Variants in PLEKHG2 observed in about 807,000 individuals in gnomAD.
The protein encoded by PLEKHG2 is pleckstrin homology domain-containing family G member 2.
Under a neutral mutation model 104.4 loss-of-function variants are expected in PLEKHG2, and 71 were observed. That is an observed-to-expected ratio of 0.68 (90% CI 0.56 to 0.83). The LOEUF is 0.83. Ranked by LOEUF, PLEKHG2 falls within the 40% of genes least tolerant of loss-of-function variation. The probability of loss-of-function intolerance (pLI) is 0.00; values close to 1 mark genes in which losing one functional copy is unlikely to be tolerated. For synonymous variants in PLEKHG2, 728 were observed against 737.0 expected, an observed-to-expected ratio of 0.99 and a Z score of 0.20; for missense variants, 1,730 against 1,809.4, an observed-to-expected ratio of 0.96 and a Z score of 0.80.
chr19:39,420,888 C>T (rs375842923), intron 13 of PLEKHG2, 36 bp downstream of exon 13: 9 of 1,613,960 alleles, frequency 5.6e-6, no homozygotes, highest in Non-Finnish European at 5.1e-6. Flanking sequence ...CAGCCCTCAG[C>T]CCCACTTCCC....
rs1424253028 is a variant in PLEKHG2 at position 39,415,182 on chromosome 19, C to G, written c.300C>G (p.Pro100=). Residue 100 remains proline (P), a synonymous_variant, in exon 3 of 19, where the codon CCC becomes CCG. Transcript: ENST00000425673. This position sits in a 1 kb window ranked among gnomAD's most constrained non-coding sequence, Gnocchi z 4.6. ...TGGGGATCCCAGGTTCAGCCAGACC[C>G]TCAAGGCTGGAGCGTGTGGCCCGGG... The part of the protein sequence containing the change: ...SPVGIPGSAR[P]SRLERVAREI... The G allele has an allele frequency of 3.1e-6, 5 of 1,593,512 alleles. No individual in the cohort carries two copies. The highest frequency in any genetic ancestry group is 1.7e-4 in the Middle Eastern group (1 of 6,042).
chr19:39,419,820 G>A (rs905047239), intron 11 of PLEKHG2, among the ~76,000 whole-genome samples: 3 of 151,810 alleles, frequency 2.0e-5, no homozygotes, highest in Admixed American at 2.0e-4. Flanking sequence ...AGAGCTTGCA[G>A]TGAGCCTAGG....
intron 11 of PLEKHG2, among the ~76,000 whole-genome samples, chr19:39,420,425 T>G (rs575134472): frequency 6.7e-6 from 1 of 149,872 alleles, no homozygotes; most frequent in African/African-American, 2.5e-5. Flanking sequence ...CTCAGGAGGG[T>G]GAGGTGGGAA....
Position 39,416,834 on chromosome 19 carries a change from T to C in PLEKHG2, c.594-16T>C. On this transcript the variant is annotated splice_polypyrimidine_tract_variant and intron_variant, in intron 6 of 18. Transcript: ENST00000425673. This position sits in a 1 kb window ranked among gnomAD's most constrained non-coding sequence, Gnocchi z 4.5. The stretch of plus-strand genomic sequence containing the variant: ...CTGGAACTGACAATCCCCACTGACC[T>C]GTGCTGTGCCCCCAGCTCCCTGGCC... 6.3e-7 allele frequency: 1 copy of C among 1,585,334 alleles called. No homozygotes were observed. Among genetic ancestry groups the C allele is most frequent in the Admixed American group, 1.7e-5 (1 of 57,182 alleles).
intron 16 of PLEKHG2, chr19:39,421,890 G>A (rs2078703616): frequency 8.1e-6 from 3 of 371,208 alleles, no homozygotes; most frequent in South Asian, 7.1e-5. Context: ...TGTGGCAGGC[G>A]CCTGTAATCC....
chr19:39,424,475 A>C lies in PLEKHG2; in HGVS notation c.3342A>C (p.Ala1114=). 2 of 1,614,050 alleles carry C rather than the reference A, an allele frequency of 1.2e-6. No homozygotes were observed. Among genetic ancestry groups the C allele is most frequent in the Non-Finnish European group, 1.7e-6 (2 of 1,180,020 alleles). Residue 1114 remains alanine (A), a synonymous_variant, in exon 19 of 19, where the codon GCA becomes GCC. Transcript: ENST00000425673. ...LQIPGTSPLP[A]HGSHLDHRIP... Reference sequence around the variant, plus strand: ...TTCCAGGTACCTCACCTTTGCCTGCACATGGAAGCCACCTGGACCATCGGA... The same window carrying C: ...TTCCAGGTACCTCACCTTTGCCTGCCCATGGAAGCCACCTGGACCATCGGA...
Position 39,422,235 on chromosome 19 carries a change from A to G in PLEKHG2, c.1624A>G (p.Ile542Val), listed in dbSNP as rs755339008. Residue 542 changes from isoleucine (I) to valine (V), a missense_variant, in exon 17 of 19, where the codon ATC becomes GTC. Ile to Val is a conservative substitution (Grantham distance 29, BLOSUM62 3). Transcript: ENST00000425673. ...PPTLDPSGTSITEEILELLNQ... is the reference protein window; with the variant it reads ...PPTLDPSGTSVTEEILELLNQ... ...AACACTGGACCCCTCTGGGACCTCA[A>G]TCACTGAAGAAATCCTGGAACTGCT... 3.1e-6 allele frequency: 5 copies of G among 1,613,778 alleles called. No individual in the cohort carries two copies. The highest frequency in any genetic ancestry group is 2.2e-5 in the South Asian group (2 of 90,988).
rs370929346 is a variant in PLEKHG2 at position 39,421,071 on chromosome 19, G to A, written c.1448-4G>A. On this transcript the variant is annotated splice_polypyrimidine_tract_variant and splice_region_variant and intron_variant, in intron 14 of 18. Coordinates refer to ENST00000425673, the MANE Select transcript of PLEKHG2 (RefSeq NM_022835.3). ...CTCCTGACATCACTGTGTCCTCCCC[G>A]CAGAGCCGGTGAAGGACCCTTATGT... 1.9e-4 allele frequency: 301 copies of A among 1,613,822 alleles called. No individual in the cohort carries two copies. Among genetic ancestry groups the A allele is most frequent in the Non-Finnish European group, 2.4e-4 (282 of 1,180,010 alleles).
chr19:39,419,301 T>C (rs899065341), intron 11 of PLEKHG2, among the ~76,000 whole-genome samples: 4 of 152,124 alleles, frequency 2.6e-5, no homozygotes, highest in African/African-American at 7.2e-5. Context: ...GCTTGACCAA[T>C]AGAAGCACCC....
chr19:39,418,343 T>G, intron 9 of PLEKHG2, among the ~76,000 whole-genome samples: 2 of 150,492 alleles, frequency 1.3e-5, no homozygotes, highest in Non-Finnish European at 1.5e-5. Flanking sequence ...CTTTGGGAGG[T>G]CAAGGCGGGC....
rs777630829 is a variant in PLEKHG2 at position 39,424,357 on chromosome 19, T to A, written c.3224T>A (p.Ile1075Asn). The A allele has an allele frequency of 1.2e-5, 20 of 1,614,076 alleles. No individual in the cohort carries two copies. The South Asian group carries it at 1.8e-4, about 14-fold the overall frequency. The change falls in exon 19 of 19, where the codon ATC becomes AAC. Residue 1075 changes from isoleucine (I) to asparagine (N), a missense_variant. By Grantham distance (149) the Ile-to-Asn change is moderately radical. Coordinates refer to ENST00000425673, the MANE Select transcript of PLEKHG2 (RefSeq NM_022835.3). ...QGPDPVCSQP[I>N]QPLSWHGSSL... ...CCAGACCCTGTCTGCAGTCAACCCA[T>A]CCAGCCTTTGTCTTGGCATGGAAGC...
intron 12 of PLEKHG2, 39 bp from the exon 13 acceptor site, chr19:39,420,712 A>T (rs778954455): frequency 6.2e-7 from 1 of 1,614,020 alleles, no homozygotes; most frequent in Non-Finnish European, 8.5e-7. Context: ...ATTACTTCCA[A>T]GAAAAAGTTG....
At chr19:39,419,881 A>G (rs1192393131) in intron 11 of PLEKHG2, among the ~76,000 whole-genome samples, 1 of 101,258 alleles carries the variant, frequency 9.9e-6, no homozygotes, top group Non-Finnish European at 2.0e-5. Context: ...CTCTGTCTCA[A>G]AAAAAAAAAA....
rs776664840 is a variant in PLEKHG2, at chr19:39,416,893, G to A, written c.637G>A (p.Ala213Thr). Reference protein sequence around the residue: ...LRELSLSPPAALWLQERQAQL... With the variant: ...LRELSLSPPATLWLQERQAQL... ...GGAGCTGTCGTTGTCTCCGCCAGCA[G>A]CCCTGTGGCTGCAGGAGCGCCAGGC... is the stretch of plus-strand genomic sequence containing the variant. The change falls in exon 7 of 19, where the codon GCC (alanine) becomes ACC (threonine). Residue 213 changes from alanine (A) to threonine (T), a missense_variant. Ala to Thr is a moderately conservative substitution (Grantham distance 58). Coordinates refer to ENST00000425673, the MANE Select transcript of PLEKHG2 (RefSeq NM_022835.3). This position sits in a 1 kb window ranked among gnomAD's most constrained non-coding sequence, Gnocchi z 4.5. The A allele has an allele frequency of 3.1e-6, 5 of 1,612,808 alleles. No homozygotes were observed. The highest frequency in any genetic ancestry group is 4.2e-6 in the Non-Finnish European group (5 of 1,179,762).
rs1409844312 is a variant in PLEKHG2, at chr19:39,425,303, A to G, written c.*9A>G. 4 of 1,597,426 alleles carry G rather than the reference A, an allele frequency of 2.5e-6. No individual in the cohort carries two copies. In the African/African-American group the frequency reaches 5.4e-5, roughly 22 times the overall value. ...CCCCCTTCCACATGTGAGCCAGGAC[A>G]TGAGGCTTCCCTGAAGCAAGGATTT... On this transcript the variant is annotated 3_prime_UTR_variant, in exon 19 of 19. Transcript: ENST00000425673.
rs1036864973 is a variant in PLEKHG2 at position 39,416,801 on chromosome 19, C to T, written c.594-49C>T. On this transcript the variant is annotated intron_variant, in intron 6 of 18. Transcript: ENST00000425673. This position sits in a 1 kb window ranked among gnomAD's most constrained non-coding sequence, Gnocchi z 4.5. ...TGGCCCCTCCCTAACCCCTCTTGAC[C>T]CCGCCCACTGGAACTGACAATCCCC... is the stretch of plus-strand genomic sequence containing the variant. 1.3e-6 allele frequency: 2 copies of T among 1,553,550 alleles called. No homozygotes were observed. The highest frequency in any genetic ancestry group is 1.7e-6 in the Non-Finnish European group (2 of 1,151,724).
intron 11 of PLEKHG2, 46 bp downstream of exon 11, chr19:39,419,049 C>G (rs753191140): frequency 7.2e-6 from 11 of 1,529,624 alleles, no homozygotes; most frequent in Middle Eastern, 1.7e-4. Context: ...GCTGGAGACA[C>G]CCTCCCCCAA....
Position 39,416,316 on chromosome 19 carries a change from G to A in PLEKHG2, c.480-32G>A, listed in dbSNP as rs779101473. 3.7e-6 allele frequency: 6 copies of A among 1,610,536 alleles called. No individual in the cohort carries two copies. In the East Asian group the frequency reaches 8.9e-5, roughly 24 times the overall value. On this transcript the variant is annotated intron_variant, in intron 4 of 18. Coordinates refer to ENST00000425673, the MANE Select transcript of PLEKHG2 (RefSeq NM_022835.3). The surrounding 1 kb of genome is among the most constrained non-coding windows in gnomAD (Gnocchi z 4.5). ...CTCCCATGGAGGGGTCGTGAAGGCA[G>A]GCGGTTCCTCACCCTCCCCTCTCCC... is the stretch of plus-strand genomic sequence containing the variant.
Position 39,423,029 on chromosome 19 carries a change from C to T in PLEKHG2, c.1975C>T (p.Leu659Phe). 1 of 1,614,222 alleles carries T rather than the reference C, an allele frequency of 6.2e-7. No individual in the cohort carries two copies. Among genetic ancestry groups the T allele is most frequent in the Non-Finnish European group, 8.5e-7 (1 of 1,180,038 alleles). Reference sequence around the variant, plus strand: ...TCCCGAAGGTTCTCGCCTTCCTAGTCTCTCTGACATTTCCGATGTTTTTGA... The same window carrying T: ...TCCCGAAGGTTCTCGCCTTCCTAGTTTCTCTGACATTTCCGATGTTTTTGA... ...EIPEGSRLPS[L>F]SDISDVFEMP... The change falls in exon 18 of 19, where the codon CTC (leucine) becomes TTC (phenylalanine). Residue 659 changes from leucine (L) to phenylalanine (F), a missense_variant. By Grantham distance (22) the Leu-to-Phe change is conservative. Coordinates refer to ENST00000425673, the MANE Select transcript of PLEKHG2 (RefSeq NM_022835.3).
Sources: gnomAD v4.1 joint callset for allele counts (sites outside exome capture counted in the v4.1 genomes callset) on GRCh38, gnomAD v4.1.1 for gene constraint, Gnocchi (gnomAD v3.1) non-coding constraint, MANE v1.5 for transcripts, NCBI Gene and HGNC (gene_info 2026-07-23, HGNC 2026-07-21) for gene names.